KDM4A: variants seen among roughly 807,000 people sequenced by gnomAD.
The protein encoded by KDM4A is lysine-specific demethylase 4A.
KDM4A carries 23 observed loss-of-function variants against 127.1 expected under a neutral mutation model. The observed-to-expected ratio is 0.18, with a 90% CI of 0.13 to 0.26. The LOEUF is 0.26. KDM4A is among the 10% of genes least tolerant of loss of function. KDM4A has a pLI of 1.00. For missense variants in KDM4A, 890 were observed against 1,329.1 expected (o/e 0.67, Z 5.14); for synonymous variants, 443 against 466.5 (o/e 0.95, Z 0.65).
intron 11 of KDM4A, among the ~76,000 whole-genome samples, chr1:43,673,390 CAT>C (rs1660670415): frequency 6.6e-6 from 1 of 152,196 alleles, no homozygotes; most frequent in Non-Finnish European, 1.5e-5. Flanking sequence ...GTGTACTCAT[CAT>C]ATATATGATT....
chr1:43,652,671 CTTTCTTTCTTTT>C (rs1222311999), intron 1 of KDM4A, among the ~76,000 whole-genome samples: 3 of 138,780 alleles, frequency 2.2e-5, no homozygotes, highest in African/African-American at 8.5e-5. Context: ...TTCTTTCTTT[CTTTCTTTCTTTT>C]TTTTTTTTTT....
rs1215544461 is a variant in KDM4A, at chr1:43,705,248, T to C, written c.*878T>C. On this transcript the variant is annotated 3_prime_UTR_variant, in exon 22 of 22. Coordinates refer to ENST00000372396, the MANE Select transcript of KDM4A (RefSeq NM_014663.3). ...GGTTAGGATGAAAAAACTGGGGCCA[T>C]TGGAGGCCCACTGTAGGTGGGAGGG... 2 of 124,280 alleles carry C rather than the reference T, an allele frequency of 1.6e-5. No individual in the cohort carries two copies. The highest frequency in any genetic ancestry group is 2.8e-4 in the South Asian group (1 of 3,578). The allele number at this position is 124,280 out of a possible 1,614,324, so 7.7% of individuals were successfully genotyped here. A position where few individuals can be genotyped will look rare whatever the true frequency, so the allele number is the denominator to read the frequency against.
chr1:43,678,738 C>A (rs1425520261), intron 11 of KDM4A, among the ~76,000 whole-genome samples: 1 of 152,064 alleles, frequency 6.6e-6, no homozygotes, highest in Non-Finnish European at 1.5e-5. Context: ...TAGGCATGTG[C>A]CATCATGCCC....
chr1:43,690,449 T>C (rs1661081874), intron 13 of KDM4A: 1 of 288,512 alleles, frequency 3.5e-6, no homozygotes, highest in Admixed American at 4.6e-5. Context: ...GGTTTCACCA[T>C]GTTGGCTAGG....
chr1:43,690,528 G>GT, intron 13 of KDM4A: 1 of 396,074 alleles, frequency 2.5e-6, no homozygotes, highest in South Asian at 2.3e-5. Context: ...AATTACAGGC[G>GT]TGAGCCACCT....
intron 12 of KDM4A, among the ~76,000 whole-genome samples, chr1:43,686,653 T>C (rs1353455128): frequency 6.6e-6 from 1 of 152,170 alleles, no homozygotes; most frequent in African/African-American, 2.4e-5. Context: ...TATCCTTTAA[T>C]CTTCAGTCCA....
At chr1:43,673,210 A>T (rs1660666478) in intron 11 of KDM4A, among the ~76,000 whole-genome samples, 1 of 152,078 alleles carries the variant, frequency 6.6e-6, no homozygotes, top group South Asian at 2.1e-4. Flanking sequence ...CTTGGAGCTT[A>T]TGTGGGTCAA....
rs1557910169 is a variant in KDM4A, at chr1:43,672,268, A to G, written c.1734+393A>G. 3.3e-5 allele frequency among the ~76,000 whole-genome samples: 5 copies of G among 151,554 alleles called. No individual in the cohort carries two copies. In the South Asian group the frequency reaches 8.3e-4, roughly 25 times the overall value. ...CAGTGGCATGATCTTGGCTCACTGC[A>G]ACCTCTGCCTTCCAGGTTCAAGCAG... is the stretch of plus-strand genomic sequence containing the variant. On this transcript the variant is annotated intron_variant, in intron 11 of 21. Transcript: ENST00000372396.
intron 1 of KDM4A, among the ~76,000 whole-genome samples, chr1:43,651,582 C>T (rs1272660077): frequency 1.3e-5 from 2 of 152,188 alleles, no homozygotes; most frequent in African/African-American, 4.8e-5. Context: ...CCTTTCTGAG[C>T]TCTCCAACTC....
rs1416286682 is a variant in KDM4A at position 43,694,058 on chromosome 1, A to G, written c.2440A>G (p.Ser814Gly). 6.2e-7 allele frequency: 1 copy of G among 1,614,274 alleles called. No homozygotes were observed. Among genetic ancestry groups the G allele is most frequent in the South Asian group, 1.1e-5 (1 of 91,086 alleles). ...AAGGTTTGTCAACATTGCAGAAAGAAGTCCGGTGGATGTGAGCAAAATCCC... is the reference window on the plus strand; with the variant it reads ...AAGGTTTGTCAACATTGCAGAAAGAGGTCCGGTGGATGTGAGCAAAATCCC... ...EARFVNIAER[S>G]PVDVSKIPLP... is the part of the protein sequence containing the mutation. Residue 814 changes from serine to glycine, a missense_variant, in exon 17 of 22, where the codon AGT becomes GGT. Around this residue, in one of 7 missense-constraint regions of KDM4A, gnomAD observed 246 missense variants for 418.4 expected, o/e 0.59. Transcript: ENST00000372396. This position sits in a 1 kb window ranked among gnomAD's most constrained non-coding sequence, Gnocchi z 5.2.
chr1:43,683,614 AT>A (rs1165743025), intron 11 of KDM4A, 69 bp from the exon 12 acceptor site: 22 of 1,526,474 alleles, frequency 1.4e-5, no homozygotes, highest in Non-Finnish European at 1.7e-5. Flanking sequence ...TTTGGTTTTC[AT>A]TGTAAGGGTG....
In KDM4A at chr1:43,661,987, G is replaced by A. The variant is rs189933996; in HGVS notation, c.430-907G>A. On this transcript the variant is annotated intron_variant, in intron 4 of 21. Transcript: ENST00000372396. ...ATAGATTACTGTAACCTCAAACACCGGGGTCAAGGGATCCTCCTGCTTCAC... is the reference window on the plus strand; with the variant it reads ...ATAGATTACTGTAACCTCAAACACCAGGGTCAAGGGATCCTCCTGCTTCAC... Among the ~76,000 whole-genome samples the A allele has an allele frequency of 2.9e-4, 44 of 152,198 alleles. 1 individual carries two copies. The East Asian group carries it at 7.5e-3, about 26-fold the overall frequency.
Position 43,653,156 on chromosome 1 carries a change from G to A in KDM4A, c.-20G>A, listed in dbSNP as rs1321061758. 6.2e-7 allele frequency: 1 copy of A among 1,602,534 alleles called. No individual in the cohort carries two copies. Among genetic ancestry groups the A allele is most frequent in the Non-Finnish European group, 8.5e-7 (1 of 1,173,704 alleles). Reference sequence around the variant, plus strand: ...CTTCAGATTCCTGTCTGACTAAAGGGACCTCAAAAAGGAGGGAAAATGGCT... The same window carrying A: ...CTTCAGATTCCTGTCTGACTAAAGGAACCTCAAAAAGGAGGGAAAATGGCT... On this transcript the variant is annotated 5_prime_UTR_variant, in exon 2 of 22. Transcript: ENST00000372396.
rs1246711073 is a variant in KDM4A at position 43,693,124 on chromosome 1, T to C, written c.2375+813T>C. On this transcript the variant is annotated intron_variant, in intron 16 of 21. Transcript: ENST00000372396. The surrounding 1 kb of genome is among the most constrained non-coding windows in gnomAD (Gnocchi z 4.2). ...AGGCACTTGCTGCCATTATTTGAGG[T>C]CACTGGGTTCCTCACAGTCACAGGA... 6.6e-6 allele frequency among the ~76,000 whole-genome samples: 1 copy of C among 152,226 alleles called. No individual in the cohort carries two copies. The highest frequency in any genetic ancestry group is 1.5e-5 in the Non-Finnish European group (1 of 68,038).
At chr1:43,704,181 T>G in intron 21 of KDM4A, 49 bp from the exon 22 acceptor site, 6 of 1,613,900 alleles carry the variant, frequency 3.7e-6, no homozygotes, top group Non-Finnish European at 5.1e-6. Flanking sequence ...TGCATCCCTT[T>G]GTATTGTTCC....
At chr1:43,652,414 T>C (rs1041521089) in intron 1 of KDM4A, among the ~76,000 whole-genome samples, 5 of 152,180 alleles carry the variant, frequency 3.3e-5, no homozygotes, top group African/African-American at 9.6e-5. Flanking sequence ...TCTGTTGAAA[T>C]AAGGTTTGAA....
In KDM4A at chr1:43,694,052, G is replaced by A. The variant is rs1475241011; in HGVS notation, c.2434G>A (p.Glu812Lys). The A allele has an allele frequency of 1.2e-6, 2 of 1,614,154 alleles. No homozygotes were observed. Among genetic ancestry groups the A allele is most frequent in the Non-Finnish European group, 1.7e-6 (2 of 1,180,052 alleles). The change falls in exon 17 of 22, where the codon GAA (glutamate) becomes AAA (lysine). Residue 812 changes from glutamate (E) to lysine (K), a missense_variant. Physicochemically the swap from Glu to Lys is moderately conservative, Grantham distance 56 (BLOSUM62 1). Transcript: ENST00000372396. This position sits in a 1 kb window ranked among gnomAD's most constrained non-coding sequence, Gnocchi z 5.2. Reference protein sequence around the residue: ...ILEARFVNIAERSPVDVSKIP... With the variant: ...ILEARFVNIAKRSPVDVSKIP... ...GGAAGCAAGGTTTGTCAACATTGCA[G>A]AAAGAAGTCCGGTGGATGTGAGCAA...
chr1:43,663,942 C>A (rs544837714), intron 5 of KDM4A, among the ~76,000 whole-genome samples: 2 of 152,092 alleles, frequency 1.3e-5, no homozygotes, highest in South Asian at 4.1e-4. Flanking sequence ...CCCATCTCAG[C>A]ATTTTAGTGA....
intron 9 of KDM4A, among the ~76,000 whole-genome samples, chr1:43,668,842 T>C (rs1374981786): frequency 1.3e-5 from 2 of 152,206 alleles, no homozygotes; most frequent in Admixed American, 6.5e-5. Flanking sequence ...CTTTGCCAGC[T>C]ACTCTGCATA....
Sources: gnomAD v4.1 joint callset for allele counts (sites outside exome capture counted in the v4.1 genomes callset) on GRCh38, gnomAD v4.1.1 for gene constraint, gnomAD v4.1.1 regional missense constraint, Gnocchi (gnomAD v3.1) non-coding constraint, MANE v1.5 for transcripts, NCBI Gene and HGNC (gene_info 2026-07-23, HGNC 2026-07-21) for gene names.